FAS: variants seen among roughly 807,000 people sequenced by gnomAD.
FAS encodes Fas cell surface death receptor.
A neutral mutation model predicts 33.2 loss-of-function variants in FAS; 5 were observed. The observed-to-expected ratio is 0.15, with a 90% confidence interval of 0.08 to 0.32. The LOEUF is 0.32. Ranked by LOEUF, FAS falls within the 10% of genes least tolerant of loss-of-function variation. The pLI is 1.00. For synonymous variants in FAS, 131 were observed against 130.7 expected (o/e 1.00, Z -0.01); for missense variants, 339 against 386.0 (o/e 0.88, Z 1.02).
At chr10:88,972,474 T>G (rs1467280494) in intron 1 of FAS, among the ~76,000 whole-genome samples, 1 of 152,250 alleles carries the variant, frequency 6.6e-6, no homozygotes, top group Non-Finnish European at 1.5e-5. Flanking sequence ...TTAGATTTAC[T>G]GTTCTTTGAT....
chr10:88,964,557 C>A (rs1846288788), intron 1 of FAS, among the ~76,000 whole-genome samples: 1 of 152,170 alleles, frequency 6.6e-6, no homozygotes, highest in Non-Finnish European at 1.5e-5. Context: ...CCCTGGTGAT[C>A]AACCTTTGTC....
intron 6 of FAS, among the ~76,000 whole-genome samples, chr10:89,011,368 C>G (rs1261761022): frequency 6.6e-6 from 1 of 152,202 alleles, no homozygotes; most frequent in Non-Finnish European, 1.5e-5. Context: ...TTAAGTCATT[C>G]ATCAACTACA....
chr10:88,987,244 T>C (rs1376264317), upstream of FAS, among the ~76,000 whole-genome samples: 2 of 152,240 alleles, frequency 1.3e-5, no homozygotes, highest in Non-Finnish European at 2.9e-5. Flanking sequence ...AGCTTGAAAC[T>C]AGAATAGCTA....
Position 89,014,568 on chromosome 10 carries a change from G to C in FAS, c.*118G>C. The C allele has an allele frequency of 1.1e-6, 1 of 927,064 alleles. No homozygotes were observed. The highest frequency in any genetic ancestry group is 1.7e-6 in the Non-Finnish European group (1 of 592,114). 57.4% of individuals were successfully genotyped at this position (927,064 alleles called of 1,614,324 possible). A position where few individuals can be genotyped will look rare whatever the true frequency, so the allele number is the denominator to read the frequency against. On this transcript the variant is annotated 3_prime_UTR_variant, in exon 9 of 9. Coordinates refer to ENST00000652046, the MANE Select transcript of FAS (RefSeq NM_000043.6). ...TGGGTACATTTTATCATTTATTAGC[G>C]CTGAAGAGCCAACATATTTGTAGAT... is the stretch of plus-strand genomic sequence containing the variant.
rs766516204 is a variant in FAS, at chr10:89,014,499, A to G, written c.*49A>G. 3.3e-5 allele frequency: 51 copies of G among 1,539,992 alleles called. No individual in the cohort carries two copies. Among genetic ancestry groups the G allele is most frequent in the Non-Finnish European group, 4.5e-5 (51 of 1,128,678 alleles). On this transcript the variant is annotated 3_prime_UTR_variant, in exon 9 of 9. Transcript: ENST00000652046. ...CTGAGTATATGCAATTAGTGTTTGA[A>G]AAGATTCTTAATAGCTGGCTGTAAA...
chr10:89,009,480 G>A (rs749575909), intron 4 of FAS, among the ~76,000 whole-genome samples: 14 of 152,356 alleles, frequency 9.2e-5, no homozygotes, highest in Admixed American at 3.3e-4. Flanking sequence ...AACAGCAGCT[G>A]CAAAGAGACA....
chr10:88,991,116 G>A, intron 1 of FAS: 1 of 644,718 alleles, frequency 1.6e-6, no homozygotes, highest in Non-Finnish European at 2.7e-6. Context: ...AACGCTGGAG[G>A]ACTTGCTTTT....
upstream of FAS, among the ~76,000 whole-genome samples, chr10:88,988,454 T>A (rs1278334035): frequency 1.4e-5 from 2 of 146,688 alleles, no homozygotes; most frequent in East Asian, 4.2e-4. Flanking sequence ...ATCTTAACTC[T>A]TCCTGTTTTT....
intron 1 of FAS, among the ~76,000 whole-genome samples, chr10:88,970,616 C>T (rs191926047): frequency 1.2e-3 from 181 of 152,250 alleles, no homozygotes; most frequent in African/African-American, 4.1e-3. Context: ...CATTAGAATT[C>T]CCCATTTATC....
At chr10:89,002,925 G>A in intron 1 of FAS, 104 bp from the exon 2 acceptor site, 1 of 1,193,522 alleles carries the variant, frequency 8.4e-7, no homozygotes, top group South Asian at 1.3e-5. Context: ...CATTGTCTTT[G>A]CCTGTGCACA....
intron 1 of FAS, among the ~76,000 whole-genome samples, chr10:88,971,111 A>G (rs1049654105): frequency 6.6e-6 from 1 of 152,240 alleles, no homozygotes; most frequent in African/African-American, 2.4e-5. Flanking sequence ...TTTTCAAGCA[A>G]TGCTTAGCCA....
At chr10:88,968,095 A>C (rs1197321961) in intron 1 of FAS, among the ~76,000 whole-genome samples, 1 of 152,160 alleles carries the variant, frequency 6.6e-6, no homozygotes, top group Non-Finnish European at 1.5e-5. Flanking sequence ...TGCAGAAGTA[A>C]ACTATTCAAT....
chr10:88,979,774 A>G (rs997596219), intron 2 of FAS, among the ~76,000 whole-genome samples: 2 of 152,216 alleles, frequency 1.3e-5, no homozygotes, highest in African/African-American at 4.8e-5. Context: ...CCATTTGTTT[A>G]GTCCTGACTC....
At chr10:88,989,021 C>A (rs146658156), upstream of FAS, among the ~76,000 whole-genome samples, 72 of 152,246 alleles carry the variant, frequency 4.7e-4, no homozygotes, top group African/African-American at 1.6e-3. Flanking sequence ...AGAGCAGGAC[C>A]TTGGGAGCAA....
intron 1 of FAS, among the ~76,000 whole-genome samples, chr10:88,998,137 T>C (rs1847706828): frequency 6.6e-6 from 1 of 152,182 alleles, no homozygotes; most frequent in South Asian, 2.1e-4. Flanking sequence ...TTTTGGGGGC[T>C]AGAAGTCTGA....
Position 89,015,271 on chromosome 10 carries a change from A to T in FAS, c.*821A>T, listed in dbSNP as rs921175248. On this transcript the variant is annotated 3_prime_UTR_variant, in exon 9 of 9. Coordinates refer to ENST00000652046, the MANE Select transcript of FAS (RefSeq NM_000043.6). ...CCAAACATGGAAATATCACCAAAAA[A>T]TACTTAATAGTCCACCAAAAGGCAA... is the stretch of plus-strand genomic sequence containing the variant. 1 of 534,752 alleles carries T rather than the reference A, an allele frequency of 1.9e-6. No homozygotes were observed. Among genetic ancestry groups the T allele is most frequent in the African/African-American group, 1.9e-5 (1 of 53,884 alleles). The allele number at this position is 534,752 out of a possible 1,614,324, so 33.1% of individuals were successfully genotyped here.
intron 2 of FAS, among the ~76,000 whole-genome samples, chr10:89,006,084 C>A (rs949912635): frequency 4.6e-5 from 7 of 152,100 alleles, no homozygotes; most frequent in Non-Finnish European, 8.8e-5. Flanking sequence ...ATTTTGTTTT[C>A]ATACTTTGGA....
rs1848619575 is a variant in FAS, at chr10:89,013,252, T to C, written c.652-91T>C. On this transcript the variant is annotated intron_variant, in intron 7 of 8. Coordinates refer to ENST00000652046, the MANE Select transcript of FAS (RefSeq NM_000043.6). ...TCAAGCAACTGATTGTACTTCTTTC[T>C]GAATTAAGGAAAAATTAGAAGTTCA... The C allele has an allele frequency of 3.1e-6, 4 of 1,293,666 alleles. No individual in the cohort carries two copies. In the African/African-American group the frequency reaches 4.5e-5, roughly 14 times the overall value. The allele number at this position is 1,293,666 out of a possible 1,614,324, so 80.1% of individuals were successfully genotyped here. A position where few individuals can be genotyped will look rare whatever the true frequency, so the allele number is the denominator to read the frequency against.
At chr10:89,004,002 T>A (rs1397240669) in intron 2 of FAS, among the ~76,000 whole-genome samples, 1 of 152,178 alleles carries the variant, frequency 6.6e-6, no homozygotes, top group African/African-American at 2.4e-5. Context: ...CATGTCCAGA[T>A]TTTAATAACC....
Sources: allele counts gnomAD v4.1 joint callset (sites outside exome capture counted in the v4.1 genomes callset), GRCh38; gene constraint gnomAD v4.1.1; transcripts MANE v1.5; gene names NCBI Gene and HGNC (gene_info 2026-07-23, HGNC 2026-07-21).